ZBTB43: variants seen among roughly 807,000 people sequenced by gnomAD.
ZBTB43 encodes zinc finger and BTB domain containing 43.
ZBTB43 carries 6 observed loss-of-function variants against 31.1 expected under a neutral mutation model. The observed-to-expected ratio is 0.19, with a 90% CI of 0.11 to 0.38. ZBTB43 has a LOEUF of 0.38. ZBTB43 is among the 10% of genes least tolerant of loss of function. ZBTB43 has a pLI of 1.00. For synonymous variants in ZBTB43, 212 were observed against 221.7 expected (o/e 0.96, Z 0.39); for missense variants, 379 against 602.1 (o/e 0.63, Z 3.88).
intron 2 of ZBTB43, among the ~76,000 whole-genome samples, chr9:126,830,376 T>G (rs1465758276): frequency 2.6e-5 from 4 of 152,240 alleles, no homozygotes; most frequent in African/African-American, 9.6e-5. Flanking sequence ...CTGGGCGCAG[T>G]GGCTCACGCC....
At chr9:126,804,623 T>C (rs1243451073), upstream of ZBTB43, among the ~76,000 whole-genome samples, 2 of 152,152 alleles carry the variant, frequency 1.3e-5, no homozygotes, top group African/African-American at 4.8e-5. Context: ...TAGCTGGGAT[T>C]ACAGGCGCGC....
At position 126,836,254 on chromosome 9, in the gene ZBTB43, G is replaced by A. The variant is rs2032876086; in HGVS notation, c.*2341G>A. 2 of 167,104 alleles carry A rather than the reference G, an allele frequency of 1.2e-5. No homozygotes were observed. Among genetic ancestry groups the A allele is most frequent in the Admixed American group, 1.3e-4 (2 of 15,290 alleles). The allele number at this position is 167,104 out of a possible 1,614,324, so 10.4% of individuals were successfully genotyped here. The stretch of plus-strand genomic sequence containing the variant: ...TCAGCCAAGAGTGGTGGCACGCTTG[G>A]GTGGTAGTTTTGGAAGCAGTCAGTT... On this transcript the variant is annotated 3_prime_UTR_variant, in exon 3 of 3. Transcript: ENST00000373464.
chr9:126,804,848 C>A (rs1207354763), upstream of ZBTB43, among the ~76,000 whole-genome samples: 1 of 152,230 alleles, frequency 6.6e-6, no homozygotes, highest in Admixed American at 6.5e-5. Context: ...ACAGCGTAGT[C>A]AGTCCCTAAA....
intron 2 of ZBTB43, among the ~76,000 whole-genome samples, chr9:126,825,078 G>A (rs1489086524): frequency 6.6e-6 from 1 of 152,084 alleles, no homozygotes; most frequent in East Asian, 1.9e-4. Flanking sequence ...TTGTATAGCT[G>A]GGACTATAGA....
chr9:126,811,869 C>A (rs542287783), intron 2 of ZBTB43, among the ~76,000 whole-genome samples: 3 of 152,200 alleles, frequency 2.0e-5, no homozygotes, highest in Non-Finnish European at 4.4e-5. Context: ...TGTGATCCAC[C>A]CACCTCGGCC....
chr9:126,834,171 C>A lies in ZBTB43; in HGVS notation c.*258C>A, dbSNP rs1189578735. The A allele has an allele frequency of 2.7e-6, 1 of 363,758 alleles. No individual in the cohort carries two copies. The highest frequency in any genetic ancestry group is 5.2e-6 in the Non-Finnish European group (1 of 191,710). 22.5% of individuals were successfully genotyped at this position (363,758 alleles called of 1,614,324 possible). On this transcript the variant is annotated 3_prime_UTR_variant, in exon 3 of 3. Transcript: ENST00000373464. ...CCAGCTGGCAAGGGAAACCTTCTGA[C>A]TGGTTGTGATCGAAACAGGTGGACA...
chr9:126,817,574 C>T (rs2032416451), intron 2 of ZBTB43, among the ~76,000 whole-genome samples: 1 of 151,378 alleles, frequency 6.6e-6, no homozygotes, highest in Non-Finnish European at 1.5e-5. Flanking sequence ...CTCCCAGGTT[C>T]ACACCATTCT....
rs916332494 is a variant in ZBTB43 at position 126,834,548 on chromosome 9, A to C, written c.*635A>C. Reference sequence around the variant, plus strand: ...ACAAGGCTGACATAGTGCCCTTGTCAGTTTCTGTAAGATGCCACTACTGTC... The same window carrying C: ...ACAAGGCTGACATAGTGCCCTTGTCCGTTTCTGTAAGATGCCACTACTGTC... On this transcript the variant is annotated 3_prime_UTR_variant, in exon 3 of 3. Transcript: ENST00000373464. 1.2e-4 allele frequency: 20 copies of C among 167,072 alleles called. No individual in the cohort carries two copies. Among genetic ancestry groups the C allele is most frequent in the African/African-American group, 4.8e-4 (20 of 41,452 alleles). 10.3% of individuals were successfully genotyped at this position (167,072 alleles called of 1,614,324 possible).
At chr9:126,826,314 T>C (rs761459137) in intron 2 of ZBTB43, among the ~76,000 whole-genome samples, 1 of 149,992 alleles carries the variant, frequency 6.7e-6, no homozygotes, top group African/African-American at 2.5e-5. Flanking sequence ...GCCCAGCCCA[T>C]TTTTATATTT....
At chr9:126,823,532 A>G (rs1366229518) in intron 2 of ZBTB43, among the ~76,000 whole-genome samples, 1 of 152,202 alleles carries the variant, frequency 6.6e-6, no homozygotes, top group African/African-American at 2.4e-5. Flanking sequence ...TCGGCAGCAC[A>G]TACACTAAAG....
intron 2 of ZBTB43, among the ~76,000 whole-genome samples, chr9:126,821,167 GA>G (rs1201651743): frequency 2.0e-5 from 3 of 151,904 alleles, no homozygotes; most frequent in African/African-American, 7.3e-5. Context: ...TCAGGAGTTT[GA>G]AACCAGCCTA....
chr9:126,820,726 G>T (rs899207411), intron 2 of ZBTB43, among the ~76,000 whole-genome samples: 3 of 151,896 alleles, frequency 2.0e-5, no homozygotes, highest in Non-Finnish European at 4.4e-5. Context: ...CTAGCACTTC[G>T]GGAGGCCAAG....
At position 126,806,710 on chromosome 9, in the gene ZBTB43, A is replaced by G. The variant is rs115853280; in HGVS notation, c.-147+1578A>G. ...CCTGAAACCAATAAGCTCCTTTTAC[A>G]TGTAATTTTTCAAAATTCATTCTGT... On this transcript the variant is annotated intron_variant, in intron 1 of 2. Transcript: ENST00000373464. Among the ~76,000 whole-genome samples the G allele has an allele frequency of 4.6e-3, 704 of 152,362 alleles. 6 individuals carry two copies. The highest frequency in any genetic ancestry group is 0.016 in the African/African-American group (680 of 41,576).
chr9:126,816,192 G>C (rs2032382129), intron 2 of ZBTB43, among the ~76,000 whole-genome samples: 1 of 152,026 alleles, frequency 6.6e-6, no homozygotes, highest in Non-Finnish European at 1.5e-5. Context: ...TCTCTTCTCT[G>C]TTCTCCTGCT....
At position 126,832,641 on chromosome 9, in the gene ZBTB43, C is replaced by T. The variant is rs34789090; in HGVS notation, c.132C>T (p.Phe44=). The change falls in exon 3 of 3, where the codon TTC becomes TTT. Residue 44 remains phenylalanine (F), a synonymous_variant. Transcript: ENST00000373464. ...DVSIVVQGHI[F]RAHKAVLAAS... ...CCATTGTTGTCCAAGGCCACATTTT[C>T]CGGGCACACAAAGCCGTTCTTGCTG... 6,733 of 1,614,112 alleles carry T rather than the reference C, an allele frequency of 4.2e-3. 25 individuals carry two copies. Among genetic ancestry groups the T allele is most frequent in the Non-Finnish European group, 5.0e-3 (5,927 of 1,180,038 alleles).
At chr9:126,812,323 C>G (rs2032268285) in intron 2 of ZBTB43, among the ~76,000 whole-genome samples, 1 of 152,178 alleles carries the variant, frequency 6.6e-6, no homozygotes, top group Admixed American at 6.5e-5. Context: ...GTTGATGGAG[C>G]TTATGATGGT....
intron 2 of ZBTB43, among the ~76,000 whole-genome samples, chr9:126,821,347 GC>G: frequency 1.3e-5 from 2 of 152,162 alleles, no homozygotes; most frequent in East Asian, 3.9e-4. Flanking sequence ...CTGCACTCCA[GC>G]CTGGGCAACA....
At chr9:126,825,475 T>C (rs1784639744) in intron 2 of ZBTB43, among the ~76,000 whole-genome samples, 2 of 152,168 alleles carry the variant, frequency 1.3e-5, no homozygotes, top group African/African-American at 4.8e-5. Context: ...AAGTGGGCAG[T>C]CTGTGATCAA....
intron 2 of ZBTB43, chr9:126,831,417 T>C (rs1009711044): frequency 1.3e-5 from 2 of 152,104 alleles, no homozygotes; most frequent in African/African-American, 2.4e-5. Flanking sequence ...GGTGAGAGGA[T>C]CACCTGAGCC....
Sources: gnomAD v4.1 joint callset for allele counts (sites outside exome capture counted in the v4.1 genomes callset) on GRCh38, gnomAD v4.1.1 for gene constraint, MANE v1.5 for transcripts, NCBI Gene and HGNC (gene_info 2026-07-23, HGNC 2026-07-21) for gene names.